TLL2: variants seen among roughly 807,000 people sequenced by gnomAD.
The protein encoded by TLL2 is tolloid-like protein 2.
A neutral mutation model predicts 123.0 loss-of-function variants in TLL2; 106 were observed. The observed-to-expected ratio is 0.86, with a 90% CI of 0.74 to 1.01. The LOEUF is 1.01. TLL2 is among the 50% of genes least tolerant of loss of function. The probability of loss-of-function intolerance (pLI) is 0.00; values close to 1 mark genes in which losing one functional copy is unlikely to be tolerated. For missense variants in TLL2, 1,332 were observed against 1,336.7 expected, an observed-to-expected ratio of 1.00 and a Z score of 0.06; for synonymous variants, 494 against 516.8, an observed-to-expected ratio of 0.96 and a Z score of 0.60.
chr10:96,445,961 A>T, intron 3 of TLL2, 130 bp downstream of exon 3: 1 of 920,192 alleles, frequency 1.1e-6, no homozygotes, highest in East Asian at 2.4e-5. Context: ...GGTAATGGTT[A>T]CATAGCATTG....
chr10:96,456,559 C>A (rs1393142073), intron 2 of TLL2, among the ~76,000 whole-genome samples: 1 of 152,214 alleles, frequency 6.6e-6, no homozygotes, highest in Non-Finnish European at 1.5e-5. Flanking sequence ...TCTCAGCCGC[C>A]AAACCAGGAA....
chr10:96,451,342 T>C (rs111325857), intron 2 of TLL2, among the ~76,000 whole-genome samples: 33 of 152,278 alleles, frequency 2.2e-4, no homozygotes, highest in Admixed American at 9.8e-4. Flanking sequence ...ATATGAGACA[T>C]TGATGTACAC....
chr10:96,466,797 T>C (rs1223441300), intron 2 of TLL2, among the ~76,000 whole-genome samples: 1 of 152,206 alleles, frequency 6.6e-6, no homozygotes, highest in African/African-American at 2.4e-5. Flanking sequence ...ATCTAATCAG[T>C]AATGTATGCA....
rs183911809 is a variant in TLL2 at position 96,405,257 on chromosome 10, A to C, written c.1242T>G (p.Gly414=). The C allele has an allele frequency of 2.5e-6, 4 of 1,614,152 alleles. No individual in the cohort carries two copies. The African/African-American group carries it at 5.3e-5, about 22-fold the overall frequency. Residue 414 remains glycine, a synonymous_variant, in exon 10 of 21, where the codon GGT becomes GGG. Transcript: ENST00000357947. ...CCAAAAGGGGGGCTTTTCTCCAGTAACCATCCCGGACCTCCACGTAATCAT... is the reference window on the plus strand; with the variant it reads ...CCAAAAGGGGGGCTTTTCTCCAGTACCCATCCCGGACCTCCACGTAATCAT... ...CWYDYVEVRD[G]YWRKAPLLGR...
chr10:96,459,411 G>A (rs888345490), intron 2 of TLL2, among the ~76,000 whole-genome samples: 7 of 151,424 alleles, frequency 4.6e-5, no homozygotes, highest in African/African-American at 9.7e-5. Context: ...GGCAGATCAC[G>A]CTCACACCTG....
At chr10:96,505,951 G>A (rs72812956) in intron 1 of TLL2, among the ~76,000 whole-genome samples, 21,648 of 152,020 alleles carry the variant, frequency 0.14, 1,847 homozygotes, top group East Asian at 0.36. Context: ...AGGTCTCACC[G>A]TTAGAAAGTG....
chr10:96,375,139 G>A (rs1714561750), intron 18 of TLL2, among the ~76,000 whole-genome samples: 1 of 152,168 alleles, frequency 6.6e-6, no homozygotes. Flanking sequence ...ACTGGGCCAA[G>A]GTGGTGGGTA....
intron 6 of TLL2, among the ~76,000 whole-genome samples, chr10:96,421,862 C>CA (rs935032160): frequency 6.6e-6 from 1 of 150,762 alleles, no homozygotes; most frequent in Admixed American, 6.6e-5. Flanking sequence ...AAAAACAAAA[C>CA]AAACAAACAA....
chr10:96,423,530 A>T (rs1846646678), intron 5 of TLL2, among the ~76,000 whole-genome samples: 1 of 152,202 alleles, frequency 6.6e-6, no homozygotes, highest in South Asian at 2.1e-4. Context: ...AATTTATTTC[A>T]TCAGTCTTCT....
rs571061905 is a variant in TLL2 at position 96,395,902 on chromosome 10, G to A, written c.1503C>T (p.His501=). The change falls in exon 12 of 21, where the codon CAC becomes CAT. Residue 501 remains histidine, a synonymous_variant. Transcript: ENST00000357947. ...VWRITVSEGF[H]VGLTFQAFEI... ...CAAAAGCTTGGAAGGTAAGTCCCAC[G>A]TGAAACCCCTCTGAAACCGTAATCC... 106 of 1,614,204 alleles carry A rather than the reference G, an allele frequency of 6.6e-5. 1 individual carries two copies. The South Asian group carries it at 1.1e-3, about 17-fold the overall frequency.
At chr10:96,513,017 G>C (rs1564922958) in intron 1 of TLL2, among the ~76,000 whole-genome samples, 1 of 152,216 alleles carries the variant, frequency 6.6e-6, no homozygotes, top group Non-Finnish European at 1.5e-5. Context: ...CCTTTTGCCC[G>C]CTGTGACGCT....
intron 9 of TLL2, among the ~76,000 whole-genome samples, chr10:96,406,451 A>G (rs1400852914): frequency 6.6e-6 from 1 of 151,986 alleles, no homozygotes; most frequent in Non-Finnish European, 1.5e-5. Context: ...TTCGTTTTCC[A>G]ACCCCGGAGG....
chr10:96,410,376 C>G lies in TLL2; in HGVS notation c.1147G>C (p.Val383Leu). The change falls in exon 9 of 21, where the codon GTC (valine) becomes CTC (leucine). Residue 383 changes from valine (V) to leucine (L), a missense_variant. Val to Leu is a conservative substitution (Grantham distance 32). Coordinates refer to ENST00000357947, the MANE Select transcript of TLL2 (RefSeq NM_012465.4). Reference sequence around the variant, plus strand: ...CCACCTACCTTTTCCCCTGGGGTGACCGAGATCCTCCAGACGCAGTGGGAG... The same window carrying G: ...CCACCTACCTTTTCCCCTGGGGTGAGCGAGATCCTCCAGACGCAGTGGGAG... ...SYSHCVWRIS[V>L]TPGEKIVLNF... is the part of the protein sequence containing the mutation. The G allele has an allele frequency of 6.2e-7, 1 of 1,613,240 alleles. No homozygotes were observed.
intron 14 of TLL2, 80 bp from the exon 15 acceptor site, chr10:96,386,295 C>T (rs1315465208): frequency 7.4e-7 from 1 of 1,352,906 alleles, no homozygotes; most frequent in East Asian, 2.5e-5. Context: ...GCAATAGAGC[C>T]TTGCTGTTCT....
intron 7 of TLL2, among the ~76,000 whole-genome samples, chr10:96,417,779 G>A (rs562794355): frequency 3.9e-5 from 6 of 152,310 alleles, no homozygotes; most frequent in South Asian, 2.1e-4. Context: ...AGTGCCAGGC[G>A]TGTGACTGGT....
chr10:96,465,709 A>C (rs17111883), intron 2 of TLL2, among the ~76,000 whole-genome samples: 3,959 of 152,308 alleles, frequency 0.026, 161 homozygotes, highest in African/African-American at 0.081. Flanking sequence ...ATGCATGCTC[A>C]AATACCTAGA....
At chr10:96,434,824 T>G (rs1322869212) in intron 3 of TLL2, among the ~76,000 whole-genome samples, 2 of 152,148 alleles carry the variant, frequency 1.3e-5, no homozygotes, top group African/African-American at 4.8e-5. Context: ...AGGGTTCCAA[T>G]GTCTCCACAT....
chr10:96,431,191 AT>A (rs560351710), intron 4 of TLL2, among the ~76,000 whole-genome samples: 3 of 151,958 alleles, frequency 2.0e-5, no homozygotes, highest in African/African-American at 7.3e-5. Flanking sequence ...TATAATTTCT[AT>A]TTTTTTTCTT....
chr10:96,446,982 T>C (rs1846902188), intron 2 of TLL2, among the ~76,000 whole-genome samples: 1 of 152,204 alleles, frequency 6.6e-6, no homozygotes, highest in Non-Finnish European at 1.5e-5. Context: ...AATGAGATCA[T>C]TGCAGGTTTG....
Sources: gnomAD v4.1 joint callset for allele counts (sites outside exome capture counted in the v4.1 genomes callset) on GRCh38, gnomAD v4.1.1 for gene constraint, MANE v1.5 for transcripts, NCBI Gene and HGNC (gene_info 2026-07-23, HGNC 2026-07-21) for gene names.